Variants in FHIT observed in about 807,000 individuals in gnomAD.
The protein encoded by FHIT is bis(5'-adenosyl)-triphosphatase.
Under a neutral mutation model 17.9 loss-of-function variants are expected in FHIT, and 19 were observed. The observed-to-expected ratio is 1.06, with a 90% CI of 0.74 to 1.56. The LOEUF is 1.56. Among genes scored for constraint, FHIT ranks in the 40% most tolerant of loss-of-function variants. The probability of loss-of-function intolerance (pLI) is 0.00; values close to 1 mark genes in which losing one functional copy is unlikely to be tolerated. For missense variants in FHIT, 248 were observed against 189.2 expected (o/e 1.31, Z -1.82); for synonymous variants, 81 against 69.7 (o/e 1.16, Z -0.81).
At chr3:60,378,818 G>A (rs1385469330) in intron 5 of FHIT, among the ~76,000 whole-genome samples, 4 of 152,180 alleles carry the variant, frequency 2.6e-5, no homozygotes, top group Admixed American at 2.0e-4. Flanking sequence ...ACTCCTACAT[G>A]TACCTGGGCC....
chr3:60,948,527 G>A (rs1553776278), intron 3 of FHIT, among the ~76,000 whole-genome samples: 1 of 152,078 alleles, frequency 6.6e-6, no homozygotes. Flanking sequence ...CCAGACTGTG[G>A]CCACTGTCAA....
At chr3:60,536,430 G>C (rs1225007087) in intron 5 of FHIT, 1 of 155,700 alleles carries the variant, frequency 6.4e-6, no homozygotes, top group Non-Finnish European at 1.4e-5. Context: ...AACAAAGTCA[G>C]TCTCAAATCC....
intron 5 of FHIT, among the ~76,000 whole-genome samples, chr3:60,432,709 C>T (rs1320678507): frequency 6.6e-6 from 1 of 152,062 alleles, no homozygotes; most frequent in African/African-American, 2.4e-5. Flanking sequence ...AAATAGCTCA[C>T]ATGGATCTAC....
chr3:60,759,885 G>C (rs1263963673), intron 4 of FHIT, among the ~76,000 whole-genome samples: 1 of 152,092 alleles, frequency 6.6e-6, no homozygotes, highest in Non-Finnish European at 1.5e-5. Flanking sequence ...GTGGGAGCTG[G>C]AATGAATTAT....
At chr3:61,081,284 T>C (rs1032898391) in intron 2 of FHIT, among the ~76,000 whole-genome samples, 12 of 152,192 alleles carry the variant, frequency 7.9e-5, no homozygotes, top group African/African-American at 2.9e-4. Flanking sequence ...CCAACCTGCC[T>C]CTCCTGCTGC....
chr3:60,861,480 T>A (rs1703891000), intron 3 of FHIT, among the ~76,000 whole-genome samples: 1 of 151,218 alleles, frequency 6.6e-6, no homozygotes, highest in Admixed American at 6.6e-5. Context: ...ACCTCTCCAG[T>A]AGCCATGACA....
chr3:60,255,507 C>T (rs906445795), intron 5 of FHIT, among the ~76,000 whole-genome samples: 8 of 151,950 alleles, frequency 5.3e-5, no homozygotes, highest in Admixed American at 2.0e-4. Context: ...CCACCCGGGG[C>T]GACAAACCCA....
intron 2 of FHIT, among the ~76,000 whole-genome samples, chr3:61,183,070 A>G (rs958958343): frequency 2.6e-5 from 4 of 152,178 alleles, no homozygotes; most frequent in Non-Finnish European, 5.9e-5. Context: ...GGGATTCCCA[A>G]TGTGGGGAGA....
At chr3:60,248,715 T>A (rs1237663679) in intron 5 of FHIT, among the ~76,000 whole-genome samples, 2 of 152,108 alleles carry the variant, frequency 1.3e-5, no homozygotes, top group African/African-American at 4.8e-5. Context: ...GGTGGCAGAA[T>A]ATGCCACCCC....
intron 5 of FHIT, among the ~76,000 whole-genome samples, chr3:60,341,007 A>C (rs1412526848): frequency 6.6e-6 from 1 of 152,108 alleles, no homozygotes; most frequent in Non-Finnish European, 1.5e-5. Flanking sequence ...AATTTTTTTT[A>C]AATGAAACAT....
chr3:61,100,051 G>T (rs2035768756), intron 2 of FHIT, among the ~76,000 whole-genome samples: 1 of 151,802 alleles, frequency 6.6e-6, no homozygotes, highest in African/African-American at 2.4e-5. Context: ...GACAGATAAC[G>T]CTGAGCATCT....
intron 8 of FHIT, among the ~76,000 whole-genome samples, chr3:59,806,172 C>T (rs1301476843): frequency 2.1e-5 from 3 of 144,370 alleles, no homozygotes; most frequent in Non-Finnish European, 3.0e-5. Flanking sequence ...CAGCGAGAAT[C>T]TGTCTCAAAA....
chr3:60,231,382 C>G (rs1046572156), intron 5 of FHIT, among the ~76,000 whole-genome samples: 1 of 152,076 alleles, frequency 6.6e-6, no homozygotes, highest in Non-Finnish European at 1.5e-5. Context: ...TTCATGTAAC[C>G]AACGCCCAGA....
intron 5 of FHIT, among the ~76,000 whole-genome samples, chr3:60,317,616 T>C (rs1481652731): frequency 2.2e-5 from 3 of 134,580 alleles, no homozygotes; most frequent in Non-Finnish European, 4.8e-5. Flanking sequence ...TGTAATTATA[T>C]ATGTGTGTGT....
intron 2 of FHIT, among the ~76,000 whole-genome samples, chr3:61,139,206 T>C (rs182295654): frequency 3.3e-5 from 5 of 152,206 alleles, no homozygotes; most frequent in Non-Finnish European, 7.4e-5. Context: ...ATTTTTTGTA[T>C]TTTTAGTAGA....
intron 3 of FHIT, among the ~76,000 whole-genome samples, chr3:60,944,494 CT>C (rs1708559269): frequency 6.6e-6 from 1 of 152,128 alleles, no homozygotes; most frequent in South Asian, 2.1e-4. Context: ...TGCTATTGTG[CT>C]CTTCTTGAAG....
intron 4 of FHIT, among the ~76,000 whole-genome samples, chr3:60,770,274 A>G (rs1699996879): frequency 1.5e-5 from 2 of 134,962 alleles, no homozygotes; most frequent in African/African-American, 5.3e-5. Context: ...AAACATGGAG[A>G]AAAAAAAAAA....
At chr3:60,854,191 A>C (rs1553749228) in intron 3 of FHIT, among the ~76,000 whole-genome samples, 1 of 152,212 alleles carries the variant, frequency 6.6e-6, no homozygotes, top group African/African-American at 2.4e-5. Flanking sequence ...AAAGTGTTCC[A>C]ACACCAGGAC....
chr3:61,007,305 T>C (rs1005608391), intron 3 of FHIT, among the ~76,000 whole-genome samples: 2 of 152,238 alleles, frequency 1.3e-5, no homozygotes, highest in African/African-American at 2.4e-5. Context: ...ACACTCTGCA[T>C]AACTTACTCC....
Sources: allele counts gnomAD v4.1 joint callset (sites outside exome capture counted in the v4.1 genomes callset), GRCh38; gene constraint gnomAD v4.1.1; transcripts MANE v1.5; gene names NCBI Gene and HGNC (gene_info 2026-07-23, HGNC 2026-07-21).